PHF20L1: variants seen among roughly 807,000 people sequenced by gnomAD.
PHF20L1 encodes the protein PHD finger protein 20-like protein 1.
PHF20L1 carries 44 observed loss-of-function variants against 125.5 expected under a neutral mutation model. The ratio of observed to expected loss-of-function variants is 0.35; its 90% CI spans 0.28 to 0.45. The LOEUF (loss-of-function observed/expected upper bound fraction) is 0.45, where lower values mean the gene tolerates loss of function less well. PHF20L1 is among the 20% of genes least tolerant of loss of function. The probability of loss-of-function intolerance (pLI) is 1.00; values close to 1 mark genes in which losing one functional copy is unlikely to be tolerated. For missense variants in PHF20L1, 1,012 were observed against 1,217.2 expected, an observed-to-expected ratio of 0.83 and a Z score of 2.51; for synonymous variants, 380 against 403.1, an observed-to-expected ratio of 0.94 and a Z score of 0.69.
At chr8:132,777,940 A>T in intron 2 of PHF20L1, 29 bp downstream of exon 2, 1 of 1,268,286 alleles carries the variant, frequency 7.9e-7, no homozygotes, top group Non-Finnish European at 1.2e-6. Context: ...TTTCACCTAA[A>T]TATCACAATA....
chr8:132,831,126 C>T (rs186685159), intron 14 of PHF20L1, among the ~76,000 whole-genome samples: 17 of 152,158 alleles, frequency 1.1e-4, no homozygotes, highest in Admixed American at 1.0e-3. Flanking sequence ...CTCCATTCCA[C>T]AGCTAGAGTG....
intron 14 of PHF20L1, among the ~76,000 whole-genome samples, chr8:132,827,625 G>T (rs1342584495): frequency 1.3e-5 from 2 of 151,950 alleles, no homozygotes; most frequent in African/African-American, 2.4e-5. Context: ...TTAAGAGAAG[G>T]CAGGAAATTG....
intron 2 of PHF20L1, among the ~76,000 whole-genome samples, chr8:132,782,675 C>T (rs1046387808): frequency 6.6e-6 from 1 of 152,014 alleles, no homozygotes; most frequent in African/African-American, 2.4e-5. Flanking sequence ...GCAGCCTTTA[C>T]CTCCCGGGGC....
At chr8:132,819,845 CAA>C (rs1024850223) in intron 12 of PHF20L1, among the ~76,000 whole-genome samples, 9 of 151,726 alleles carry the variant, frequency 5.9e-5, no homozygotes, top group Non-Finnish European at 1.0e-4. Context: ...TTATTTTTGT[CAA>C]ATTGAAACTC....
chr8:132,842,946 G>A (rs1838077993), intron 19 of PHF20L1, 71 bp downstream of exon 19: 2 of 1,483,656 alleles, frequency 1.3e-6, no homozygotes, highest in Non-Finnish European at 1.8e-6. Context: ...ATAAAATAAG[G>A]CATACTGAAT....
At chr8:132,821,318 G>A (rs562589854) in intron 12 of PHF20L1, among the ~76,000 whole-genome samples, 5 of 151,876 alleles carry the variant, frequency 3.3e-5, no homozygotes, top group South Asian at 4.1e-4. Flanking sequence ...TTATATTATC[G>A]ATTGGTTAAT....
At chr8:132,824,681 A>G (rs1225509346) in intron 13 of PHF20L1, 2 of 172,090 alleles carry the variant, frequency 1.2e-5, no homozygotes, top group Non-Finnish European at 2.6e-5. Context: ...TTAAGTACAT[A>G]TGATTGGGGA....
chr8:132,775,703 G>A (rs897086730), intron 1 of PHF20L1, 58 bp downstream of exon 1: 14 of 318,334 alleles, frequency 4.4e-5, no homozygotes, highest in East Asian at 2.4e-4. Context: ...GGCCGCCCGG[G>A]ACGCCCCCAT....
intron 20 of PHF20L1, 128 bp downstream of exon 20, chr8:132,844,446 A>C: frequency 1.5e-6 from 1 of 661,596 alleles, no homozygotes; most frequent in South Asian, 2.0e-5. Context: ...GGGCTTTATT[A>C]CTCCCTTTGT....
intron 2 of PHF20L1, among the ~76,000 whole-genome samples, chr8:132,783,259 A>G (rs552315644): frequency 6.6e-6 from 1 of 152,338 alleles, no homozygotes; most frequent in South Asian, 2.1e-4. Context: ...ATGTGGAGAT[A>G]TCTCCAAGTA....
chr8:132,842,703 G>T lies in PHF20L1; in HGVS notation c.2576G>T (p.Ser859Ile), dbSNP rs1156849310. ...AAAATGGAAGGAACTTATATAACAA[G>T]TGAGCATAGCTATCAAAAGCCACAA... Reference protein sequence around the residue: ...PLKMEGTYITSEHSYQKPQSF... With the variant: ...PLKMEGTYITIEHSYQKPQSF... The change falls in exon 19 of 21, where the codon AGT (serine) becomes ATT (isoleucine). Residue 859 changes from serine to isoleucine, a missense_variant. Around this residue, in one of 7 missense-constraint regions of PHF20L1, gnomAD observed 277 missense variants for 283.6 expected, o/e 0.98. Coordinates refer to ENST00000395386, the MANE Select transcript of PHF20L1 (RefSeq NM_016018.5). 1 of 1,613,358 alleles carries T rather than the reference G, an allele frequency of 6.2e-7. No homozygotes were observed.
In PHF20L1 at chr8:132,842,728, A is replaced by G. The variant is rs1404177992; in HGVS notation, c.2601A>G (p.Gln867=). 2.5e-6 allele frequency: 4 copies of G among 1,613,284 alleles called. No homozygotes were observed. Among genetic ancestry groups the G allele is most frequent in the African/African-American group, 1.3e-5 (1 of 74,870 alleles). ...GTGAGCATAGCTATCAAAAGCCACA[A>G]AGTTTTGGTCAGGACTGTAAATCTC... ...ITSEHSYQKP[Q]SFGQDCKSLA... The change falls in exon 19 of 21, where the codon CAA becomes CAG. Residue 867 remains glutamine (Q), a synonymous_variant. Coordinates refer to ENST00000395386, the MANE Select transcript of PHF20L1 (RefSeq NM_016018.5).
intron 19 of PHF20L1, chr8:132,843,319 G>A (rs1838117110): frequency 1.0e-6 from 1 of 983,498 alleles, no homozygotes; most frequent in Admixed American, 6.2e-5. Flanking sequence ...TATTCAGTAA[G>A]GTGAATTCTG....
intron 1 of PHF20L1, among the ~76,000 whole-genome samples, chr8:132,776,620 T>G (rs1829807823): frequency 6.6e-6 from 1 of 152,252 alleles, no homozygotes; most frequent in Non-Finnish European, 1.5e-5. Flanking sequence ...TGATGCTATT[T>G]TTTCCCTTAC....
chr8:132,822,664 A>G lies in PHF20L1; in HGVS notation c.1580-1340A>G, dbSNP rs187871370. Among the ~76,000 whole-genome samples, 10 of 152,088 alleles carry G rather than the reference A, an allele frequency of 6.6e-5. No individual in the cohort carries two copies. The East Asian group carries it at 1.4e-3, about 21-fold the overall frequency. Reference sequence around the variant, plus strand: ...CTTGCTAATAAGAAAATTTAATTGTATTTCTCTTTGCTGTGATATCCCTTT... The same window carrying G: ...CTTGCTAATAAGAAAATTTAATTGTGTTTCTCTTTGCTGTGATATCCCTTT... On this transcript the variant is annotated intron_variant, in intron 12 of 20. Coordinates refer to ENST00000395386, the MANE Select transcript of PHF20L1 (RefSeq NM_016018.5).
chr8:132,835,196 G>C (rs1450418105), intron 15 of PHF20L1, among the ~76,000 whole-genome samples: 1 of 152,050 alleles, frequency 6.6e-6, no homozygotes, highest in Middle Eastern at 3.2e-3. Flanking sequence ...AATAACTGGG[G>C]ATGTAGCATT....
chr8:132,814,403 T>A (rs1414503554), intron 9 of PHF20L1, among the ~76,000 whole-genome samples: 1 of 151,918 alleles, frequency 6.6e-6, no homozygotes, highest in African/African-American at 2.4e-5. Flanking sequence ...ATGAATAATA[T>A]ATTTTAAAAA....
intron 10 of PHF20L1, 166 bp from the exon 11 acceptor site, chr8:132,816,722 A>T: frequency 1.9e-6 from 1 of 519,986 alleles, no homozygotes; most frequent in Non-Finnish European, 3.4e-6. Context: ...GAATGAGGGC[A>T]CAATTTTTGC....
chr8:132,778,342 G>A (rs892964383), intron 2 of PHF20L1, among the ~76,000 whole-genome samples: 1 of 152,134 alleles, frequency 6.6e-6, no homozygotes, highest in African/African-American at 2.4e-5. Flanking sequence ...TTAATGGTTA[G>A]CATAGCATTT....
Sources: allele counts gnomAD v4.1 joint callset (sites outside exome capture counted in the v4.1 genomes callset), GRCh38; gene constraint gnomAD v4.1.1; regional missense constraint gnomAD v4.1.1; transcripts MANE v1.5; gene names NCBI Gene and HGNC (gene_info 2026-07-23, HGNC 2026-07-21).